Variants in ANKRD45 observed in about 807,000 individuals in gnomAD.
ANKRD45 encodes the protein ankyrin repeat domain 45.
A neutral mutation model predicts 28.1 loss-of-function variants in ANKRD45; 21 were observed. That is an observed-to-expected ratio of 0.75 (90% CI 0.53 to 1.08). The LOEUF (loss-of-function observed/expected upper bound fraction) is 1.08. Ranked by LOEUF, ANKRD45 falls within the 50% of genes least tolerant of loss-of-function variation. ANKRD45 has a pLI of 0.00. For synonymous variants in ANKRD45, 86 were observed against 103.9 expected, an observed-to-expected ratio of 0.83 and a Z score of 1.05; for missense variants, 261 against 308.7, an observed-to-expected ratio of 0.85 and a Z score of 1.16.
intron 4 of ANKRD45, among the ~76,000 whole-genome samples, chr1:173,625,228 C>A (rs144755760): frequency 1.9e-4 from 29 of 152,156 alleles, no homozygotes; most frequent in African/African-American, 6.7e-4. Context: ...GGAATATGAG[C>A]ACAATAAAAC....
the ANKRD45 span, among the ~76,000 whole-genome samples, chr1:173,693,066 G>A: frequency 1.3e-5 from 2 of 151,862 alleles, no homozygotes; most frequent in African/African-American, 4.8e-5. Flanking sequence ...ATGGGGGGCC[G>A]GGGGGGTGGA....
chr1:173,685,327 C>G, the ANKRD45 span, among the ~76,000 whole-genome samples: 1 of 152,218 alleles, frequency 6.6e-6, no homozygotes, highest in Non-Finnish European at 1.5e-5. Flanking sequence ...GAGATGGAAG[C>G]TGGATGCCCT....
chr1:173,698,006 G>A, the ANKRD45 span, among the ~76,000 whole-genome samples: 6 of 151,478 alleles, frequency 4.0e-5, no homozygotes, highest in Middle Eastern at 0.02. Flanking sequence ...AAAAAAAGCA[G>A]GAGTTGCAAT....
the ANKRD45 span, among the ~76,000 whole-genome samples, chr1:173,701,369 C>T: frequency 2.6e-5 from 4 of 152,258 alleles, no homozygotes; most frequent in East Asian, 1.9e-4. Context: ...CACATGTATA[C>T]GTATGTTTAC....
chr1:173,636,810 T>C (rs1441747073), intron 3 of ANKRD45: 2 of 1,513,388 alleles, frequency 1.3e-6, no homozygotes, highest in Non-Finnish European at 1.8e-6. Context: ...AAATCTGTAT[T>C]GTTTTTCTCC....
intron 5 of ANKRD45, among the ~76,000 whole-genome samples, chr1:173,617,057 C>T (rs1445586494): frequency 2.0e-5 from 3 of 152,028 alleles, no homozygotes; most frequent in Admixed American, 6.6e-5. Flanking sequence ...ATCTTTGCAA[C>T]CCACCGATCA....
the ANKRD45 span, among the ~76,000 whole-genome samples, chr1:173,682,817 A>T: frequency 6.6e-6 from 1 of 152,160 alleles, no homozygotes; most frequent in Non-Finnish European, 1.5e-5. Flanking sequence ...TTCAACTAGG[A>T]CAAATTGCTG....
At chr1:173,650,465 T>C (rs1395143630) in intron 2 of ANKRD45, among the ~76,000 whole-genome samples, 3 of 152,196 alleles carry the variant, frequency 2.0e-5, no homozygotes, top group African/African-American at 7.2e-5. Context: ...CATTCCGTGG[T>C]ATATATGTGC....
the ANKRD45 span, among the ~76,000 whole-genome samples, chr1:173,693,229 G>A: frequency 2.0e-5 from 3 of 152,102 alleles, no homozygotes; most frequent in South Asian, 2.1e-4. Flanking sequence ...GAACCTGAGA[G>A]GTTGCAGTGA....
the ANKRD45 span, among the ~76,000 whole-genome samples, chr1:173,699,249 A>G: frequency 1.3e-5 from 2 of 152,232 alleles, no homozygotes; most frequent in Non-Finnish European, 2.9e-5. Context: ...AGGTACAAAG[A>G]GGAACTGGTA....
At chr1:173,664,732 T>G (rs1669935902) in intron 1 of ANKRD45, among the ~76,000 whole-genome samples, 1 of 152,240 alleles carries the variant, frequency 6.6e-6, no homozygotes, top group African/African-American at 2.4e-5. Context: ...AATTAGGTTG[T>G]AAACTTGCTG....
At chr1:173,679,746 G>A in the ANKRD45 span, among the ~76,000 whole-genome samples, 2 of 152,144 alleles carry the variant, frequency 1.3e-5, no homozygotes, top group Non-Finnish European at 2.9e-5. Flanking sequence ...ACTATCATCA[G>A]AGTGAACAGG....
At chr1:173,671,041 G>A (rs1443067301), upstream of ANKRD45, among the ~76,000 whole-genome samples, 2 of 152,158 alleles carry the variant, frequency 1.3e-5, no homozygotes, top group Admixed American at 6.5e-5. Context: ...TGAGTACTAT[G>A]GGGTTACAGT....
At chr1:173,688,544 CTCCCTCTCTG>C in the ANKRD45 span, among the ~76,000 whole-genome samples, 1 of 142,768 alleles carries the variant, frequency 7.0e-6, no homozygotes, top group African/African-American at 2.9e-5. Context: ...CTCCCTCTCT[CTCCCTCTCTG>C]CCTCTTCCTC....
chr1:173,677,868 A>C, the ANKRD45 span, among the ~76,000 whole-genome samples: 4 of 152,346 alleles, frequency 2.6e-5, no homozygotes, highest in African/African-American at 9.6e-5. Context: ...AAAATCTGTG[A>C]GGCCAGTTAC....
intron 2 of ANKRD45, among the ~76,000 whole-genome samples, chr1:173,649,754 T>A (rs1364445689): frequency 6.6e-6 from 1 of 152,218 alleles, no homozygotes; most frequent in African/African-American, 2.4e-5. Context: ...TCAGAAAGTT[T>A]AAAATATTTT....
At chr1:173,676,834 CAAAAAAAA>C in the ANKRD45 span, among the ~76,000 whole-genome samples, 3 of 98,808 alleles carry the variant, frequency 3.0e-5, no homozygotes, top group South Asian at 3.8e-4. Context: ...GACTCCATCT[CAAAAAAAA>C]AAAAAAAAAA....
At chr1:173,659,884 C>T (rs561430814) in intron 1 of ANKRD45, among the ~76,000 whole-genome samples, 1 of 152,266 alleles carries the variant, frequency 6.6e-6, no homozygotes, top group African/African-American at 2.4e-5. Flanking sequence ...GTAACACATA[C>T]TGAAAGCACT....
the ANKRD45 span, among the ~76,000 whole-genome samples, chr1:173,683,432 A>AAAC: frequency 0.041 from 6,188 of 152,096 alleles, 129 homozygotes; most frequent in East Asian, 0.064. Flanking sequence ...TAAAACTCCA[A>AAAC]AACAACAACA....
Sources: gnomAD v4.1 joint callset for allele counts (sites outside exome capture counted in the v4.1 genomes callset) on GRCh38, gnomAD v4.1.1 for gene constraint, MANE v1.5 for transcripts, NCBI Gene and HGNC (gene_info 2026-07-23, HGNC 2026-07-21) for gene names.